The following TACC2 variants were observed in gnomAD, a reference collection of about 807,000 sequenced individuals.
The protein encoded by TACC2 is transforming acidic coiled-coil-containing protein 2.
In TACC2, 137 loss-of-function variants were observed where a neutral mutation model predicts 227.3. The observed-to-expected ratio is 0.60, with a 90% confidence interval of 0.52 to 0.69. The LOEUF is 0.69. TACC2 is among the 30% of genes least tolerant of loss of function. TACC2 has a pLI of 0.00. For synonymous variants in TACC2, 1,523 were observed against 1,487.5 expected (o/e 1.02, Z -0.55); for missense variants, 3,470 against 3,694.4 (o/e 0.94, Z 1.57).
chr10:122,213,808 A>T (rs2095345821), intron 9 of TACC2, among the ~76,000 whole-genome samples: 1 of 152,246 alleles, frequency 6.6e-6, no homozygotes, highest in Non-Finnish European at 1.5e-5. Flanking sequence ...GCCACAGCTT[A>T]TTCTTGCTAA....
rs77160961 is a variant in TACC2, at chr10:122,056,612, C to A, written c.146+6062C>A. 9.9e-3 allele frequency among the ~76,000 whole-genome samples: 1,508 copies of A among 152,278 alleles called. 28 individuals are homozygous for A. The highest frequency in any genetic ancestry group is 0.035 in the African/African-American group (1,450 of 41,556). On this transcript the variant is annotated intron_variant, in intron 3 of 22. Transcript: ENST00000369005. The stretch of plus-strand genomic sequence containing the variant: ...CTGTTGGGGCTCAGAAGAAGCCTTC[C>A]CTGAGAGCTGGAGTGGACAAGGAGG...
rs767605167 is a variant in TACC2 at position 122,087,262 on chromosome 10, G to A, written c.4762G>A (p.Ala1588Thr). Residue 1588 changes from alanine (A) to threonine (T), a missense_variant, in exon 4 of 23, where the codon GCC becomes ACC. By Grantham distance (58) the Ala-to-Thr change is moderately conservative. Coordinates refer to ENST00000369005, the MANE Select transcript of TACC2 (RefSeq NM_206862.4). ...GGCTCCCCATAGCCATGGAGAAGAGGCCGTGGCCCAAGACAGAATTCCTTC... is the reference window on the plus strand; with the variant it reads ...GGCTCCCCATAGCCATGGAGAAGAGACCGTGGCCCAAGACAGAATTCCTTC... ...QVAPHSHGEE[A>T]VAQDRIPSGK... The A allele has an allele frequency of 6.2e-7, 1 of 1,613,826 alleles. No individual in the cohort carries two copies. Among genetic ancestry groups the A allele is most frequent in the Non-Finnish European group, 8.5e-7 (1 of 1,180,032 alleles).
At chr10:122,230,501 A>G in intron 16 of TACC2, 61 bp downstream of exon 16, 1 of 1,500,366 alleles carries the variant, frequency 6.7e-7, no homozygotes, top group African/African-American at 1.4e-5. Context: ...GCTGGGGTCC[A>G]GAAGCTGCTT....
intron 11 of TACC2, among the ~76,000 whole-genome samples, chr10:122,222,794 G>A (rs11200490): frequency 0.13 from 19,452 of 152,208 alleles, 1,775 homozygotes; most frequent in East Asian, 0.4. Flanking sequence ...TGTGTCCTGG[G>A]TGCCCTGTGC....
chr10:122,077,220 C>T (rs1223982945), intron 3 of TACC2, among the ~76,000 whole-genome samples: 2 of 151,804 alleles, frequency 1.3e-5, no homozygotes, highest in Non-Finnish European at 2.9e-5. Context: ...TCAGTTGTTT[C>T]TGTCCATCCT....
intron 7 of TACC2, among the ~76,000 whole-genome samples, chr10:122,148,111 T>C: frequency 6.6e-6 from 1 of 151,444 alleles, no homozygotes; most frequent in Admixed American, 6.6e-5. Flanking sequence ...TTTTTTTTTT[T>C]TTTTTTTTTT....
At chr10:121,997,997 C>T (rs997754581) in intron 1 of TACC2, among the ~76,000 whole-genome samples, 3 of 152,080 alleles carry the variant, frequency 2.0e-5, no homozygotes, top group Non-Finnish European at 2.9e-5. Context: ...AGCAGCCAGA[C>T]GCTGCTCAAG....
chr10:122,159,456 C>G (rs1484033053), intron 7 of TACC2, among the ~76,000 whole-genome samples: 1 of 152,242 alleles, frequency 6.6e-6, no homozygotes, highest in African/African-American at 2.4e-5. Flanking sequence ...TCAGGCCACA[C>G]AGCTTCCCAG....
intron 2 of TACC2, among the ~76,000 whole-genome samples, chr10:122,040,956 A>C (rs2074179100): frequency 6.6e-6 from 1 of 152,166 alleles, no homozygotes; most frequent in Non-Finnish European, 1.5e-5. Flanking sequence ...CAGCTTGGGC[A>C]GGTCCCCCCG....
chr10:122,135,975 G>A (rs2089548328), intron 6 of TACC2, among the ~76,000 whole-genome samples: 1 of 152,212 alleles, frequency 6.6e-6, no homozygotes, highest in Non-Finnish European at 1.5e-5. Flanking sequence ...GGGGCGAAAA[G>A]TTGTGCTTTA....
chr10:122,151,065 A>G (rs1449313652), intron 7 of TACC2, among the ~76,000 whole-genome samples: 1 of 152,212 alleles, frequency 6.6e-6, no homozygotes, highest in East Asian at 1.9e-4. Flanking sequence ...GTAAATGTAC[A>G]TGAAGAATGT....
intron 5 of TACC2, among the ~76,000 whole-genome samples, chr10:122,099,453 C>G (rs2081894561): frequency 6.6e-6 from 1 of 152,158 alleles, no homozygotes; most frequent in Admixed American, 6.5e-5. Flanking sequence ...CTGGCTTGGG[C>G]ATTCATAGTC....
At chr10:122,049,136 C>T (rs546670556) in intron 2 of TACC2, among the ~76,000 whole-genome samples, 1 of 152,342 alleles carries the variant, frequency 6.6e-6, no homozygotes, top group African/African-American at 2.4e-5. Context: ...CTCTCAGTTG[C>T]TAGTGACAGA....
chr10:122,015,380 C>T (rs1414044853), intron 1 of TACC2, among the ~76,000 whole-genome samples: 1 of 151,848 alleles, frequency 6.6e-6, no homozygotes, highest in Non-Finnish European at 1.5e-5. Flanking sequence ...TGGCACGCAC[C>T]TGTAGTCTCA....
intron 11 of TACC2, among the ~76,000 whole-genome samples, chr10:122,222,733 C>T (rs537906063): frequency 1.3e-5 from 2 of 152,232 alleles, no homozygotes; most frequent in South Asian, 4.2e-4. Flanking sequence ...GGCACTCGCC[C>T]GGGGCCACAG....
At chr10:122,094,280 T>C (rs948593019) in intron 5 of TACC2, among the ~76,000 whole-genome samples, 1 of 152,120 alleles carries the variant, frequency 6.6e-6, no homozygotes, top group African/African-American at 2.4e-5. Flanking sequence ...CAAGTATCTT[T>C]ATTTATTTAT....
In TACC2 at chr10:122,194,170, C is replaced by T. The variant is rs979742681; in HGVS notation, c.5835-870C>T. 2.6e-5 allele frequency among the ~76,000 whole-genome samples: 4 copies of T among 152,192 alleles called. No homozygotes were observed. Among genetic ancestry groups the T allele is most frequent in the African/African-American group, 9.6e-5 (4 of 41,458 alleles). On this transcript the variant is annotated intron_variant, in intron 7 of 22. Transcript: ENST00000369005. This position sits in a 1 kb window ranked among gnomAD's most constrained non-coding sequence, Gnocchi z 4.4. ...AATGCCTGACATCAAGCGATCCTCC[C>T]ACCTGAGTCTCCCAAAGCGCTGGGA...
intron 7 of TACC2, among the ~76,000 whole-genome samples, chr10:122,179,279 G>A (rs1196685760): frequency 6.6e-6 from 1 of 152,182 alleles, no homozygotes; most frequent in Non-Finnish European, 1.5e-5. Context: ...GCTCTGATAT[G>A]TAATTGAAAT....
intron 11 of TACC2, among the ~76,000 whole-genome samples, chr10:122,218,308 G>T (rs2095452333): frequency 2.0e-5 from 3 of 152,252 alleles, no homozygotes; most frequent in Admixed American, 1.3e-4. Flanking sequence ...TGAAGGTCTG[G>T]TCTCCACTTT....
Sources: gnomAD v4.1 joint callset for allele counts (sites outside exome capture counted in the v4.1 genomes callset) on GRCh38, gnomAD v4.1.1 for gene constraint, Gnocchi (gnomAD v3.1) non-coding constraint, MANE v1.5 for transcripts, NCBI Gene and HGNC (gene_info 2026-07-23, HGNC 2026-07-21) for gene names.